Variants in CAPZA2 observed in about 807,000 individuals in gnomAD.
The protein encoded by CAPZA2 is capping actin protein of muscle Z-line subunit alpha 2, also known as F-actin-capping protein subunit alpha-2.
Under a neutral mutation model 44.0 loss-of-function variants are expected in CAPZA2, and 13 were observed. That is an observed-to-expected ratio of 0.30 (90% confidence interval 0.19 to 0.47). The LOEUF is 0.47. Among genes scored for constraint, CAPZA2 ranks in the 20% least tolerant of loss-of-function variants. The pLI is 1.00. For synonymous variants in CAPZA2, 94 were observed against 108.2 expected (o/e 0.87, Z 0.81); for missense variants, 244 against 338.6 (o/e 0.72, Z 2.19).
chr7:116,880,696 CTTTTTTTTTTTTTTTTTTT>C lies in CAPZA2; in HGVS notation c.40-7411_40-7393del, dbSNP rs557434747. On this transcript the variant is annotated intron_variant, in intron 1 of 9. Coordinates refer to ENST00000361183, the MANE Select transcript of CAPZA2 (RefSeq NM_006136.3). Reference sequence around the variant, plus strand: ...ATAGGCATGAGCCACTGTAACCTGCCTTTTTTTTTTTTTTTTTTTTTTTTTTTTTTTTTTTTTTGAGACA... The same window carrying C: ...ATAGGCATGAGCCACTGTAACCTGCCTTTTTTTTTTTTTTTTTTTGAGACA... 6.7e-3 allele frequency among the ~76,000 whole-genome samples: 165 copies of C among 24,678 alleles called. 1 individual carries two copies. Among genetic ancestry groups the C allele is most frequent in the African/African-American group, 0.019 (140 of 7,472 alleles). 16.2% of individuals were successfully genotyped at this position (24,678 alleles called of 152,430 possible).
intron 8 of CAPZA2, among the ~76,000 whole-genome samples, chr7:116,912,570 A>G (rs182370779): frequency 1.6e-4 from 25 of 152,290 alleles, no homozygotes; most frequent in African/African-American, 5.1e-4. Flanking sequence ...GACATTTGAT[A>G]TAAATGTAAT....
chr7:116,913,930 G>C (rs547385179), intron 8 of CAPZA2, among the ~76,000 whole-genome samples: 1 of 151,392 alleles, frequency 6.6e-6, no homozygotes, highest in Non-Finnish European at 1.5e-5. Context: ...ACATTTAACA[G>C]TGACATTTTC....
At chr7:116,884,512 A>T (rs992346400) in intron 1 of CAPZA2, among the ~76,000 whole-genome samples, 2 of 152,150 alleles carry the variant, frequency 1.3e-5, no homozygotes, top group African/African-American at 2.4e-5. Context: ...AATACTGTAG[A>T]GTTACTATGT....
At chr7:116,893,382 G>A (rs1405905355) in intron 3 of CAPZA2, among the ~76,000 whole-genome samples, 1 of 152,200 alleles carries the variant, frequency 6.6e-6, no homozygotes, top group Non-Finnish European at 1.5e-5. Flanking sequence ...ACCTGCCTCA[G>A]CCTCCCAGAG....
intron 9 of CAPZA2, 22 bp from the exon 10 acceptor site, chr7:116,917,705 T>C (rs780834214): frequency 3.2e-6 from 5 of 1,559,964 alleles, no homozygotes; most frequent in Middle Eastern, 3.3e-4. Context: ...TACTTTAAAC[T>C]TCTAACTATT....
intron 9 of CAPZA2, 140 bp downstream of exon 9, chr7:116,916,262 C>A: frequency 1.2e-6 from 1 of 811,572 alleles, no homozygotes; most frequent in Admixed American, 4.0e-5. Context: ...AACACAAAGG[C>A]AGACTTACTA....
Position 116,920,244 on chromosome 7 carries a change from CAAAATAATAAT to C in CAPZA2, c.*2380_*2390del, listed in dbSNP as rs1169957188. 3 of 141,900 alleles carry C rather than the reference CAAAATAATAAT, an allele frequency of 2.1e-5. No individual in the cohort carries two copies. Among genetic ancestry groups the C allele is most frequent in the African/African-American group, 5.0e-5 (2 of 39,604 alleles). The allele number at this position is 141,900 out of a possible 1,614,324, so 8.8% of individuals were successfully genotyped here. A position where few individuals can be genotyped will look rare whatever the true frequency, so the allele number is the denominator to read the frequency against. On this transcript the variant is annotated 3_prime_UTR_variant, in exon 10 of 10. Coordinates refer to ENST00000361183, the MANE Select transcript of CAPZA2 (RefSeq NM_006136.3). ...TGGGTGACACAGGGAGCCTCTGTCT[CAAAATAATAAT>C]AATAATAAAAGAATGGCATTTATTA...
chr7:116,873,478 A>G (rs1223183788), intron 1 of CAPZA2: 1 of 152,236 alleles, frequency 6.6e-6, no homozygotes, highest in Non-Finnish European at 1.5e-5. Context: ...TGAGGACTCT[A>G]TTTCCTGTTA....
At chr7:116,875,432 A>T (rs1351879619) in intron 1 of CAPZA2, 1 of 152,250 alleles carries the variant, frequency 6.6e-6, no homozygotes, top group East Asian at 1.9e-4. Flanking sequence ...AAATTGATAT[A>T]AGAGCTTCTA....
At chr7:116,880,502 A>G (rs904017430) in intron 1 of CAPZA2, among the ~76,000 whole-genome samples, 56 of 151,082 alleles carry the variant, frequency 3.7e-4, no homozygotes, top group African/African-American at 1.3e-3. Context: ...GATTCAAGCA[A>G]TTCTCCTGCC....
chr7:116,899,713 C>T (rs1298954940), intron 4 of CAPZA2, among the ~76,000 whole-genome samples: 1 of 145,592 alleles, frequency 6.9e-6, no homozygotes, highest in Admixed American at 6.9e-5. Flanking sequence ...TATTAAACAT[C>T]TTTGTACCTC....
chr7:116,911,666 A>G (rs935810553), intron 7 of CAPZA2, among the ~76,000 whole-genome samples: 1 of 152,188 alleles, frequency 6.6e-6, no homozygotes, highest in African/African-American at 2.4e-5. Flanking sequence ...TGTTTACAGC[A>G]CTCATTCAGT....
In CAPZA2 at chr7:116,919,954, C is replaced by T. The variant is rs1273560707; in HGVS notation, c.*2087C>T. 1 of 145,628 alleles carries T rather than the reference C, an allele frequency of 6.9e-6. No individual in the cohort carries two copies. The highest frequency in any genetic ancestry group is 2.1e-4 in the East Asian group (1 of 4,664). The allele number at this position is 145,628 out of a possible 1,614,324, so 9.0% of individuals were successfully genotyped here. A position where few individuals can be genotyped will look rare whatever the true frequency, so the allele number is the denominator to read the frequency against. On this transcript the variant is annotated 3_prime_UTR_variant, in exon 10 of 10. Coordinates refer to ENST00000361183, the MANE Select transcript of CAPZA2 (RefSeq NM_006136.3). ...ATAGTCTTTTATAGTATAAGAATGGCATTTATTAGGCAGGGCACAGTGGCT... is the reference window on the plus strand; with the variant it reads ...ATAGTCTTTTATAGTATAAGAATGGTATTTATTAGGCAGGGCACAGTGGCT...
At chr7:116,873,420 A>G (rs992230572) in intron 1 of CAPZA2, 1 of 152,172 alleles carries the variant, frequency 6.6e-6, no homozygotes, top group Non-Finnish European at 1.5e-5. Flanking sequence ...AGGTTTAAAA[A>G]AATTTTTTTT....
In CAPZA2 at chr7:116,904,197, C is replaced by T. The variant is rs915831392; in HGVS notation, c.240C>T (p.Gly80=). ...YEDQVLITEH[G]DLGNGKFLDP... ...CAAAGGTATTGATAACAGAACATGGCGACTTGGGAAATGGAAAGTTTTTGG... is the reference window on the plus strand; with the variant it reads ...CAAAGGTATTGATAACAGAACATGGTGACTTGGGAAATGGAAAGTTTTTGG... The change falls in exon 5 of 10, where the codon GGC becomes GGT. Residue 80 remains glycine (G), a synonymous_variant. Transcript: ENST00000361183. 11 of 1,611,890 alleles carry T rather than the reference C, an allele frequency of 6.8e-6. No homozygotes were observed. The highest frequency in any genetic ancestry group is 2.2e-5 in the East Asian group (1 of 44,868).
chr7:116,870,775 A>G (rs868797016), intron 1 of CAPZA2, among the ~76,000 whole-genome samples: 2 of 152,226 alleles, frequency 1.3e-5, no homozygotes, highest in African/African-American at 4.8e-5. Context: ...AAGATCGCCA[A>G]TAGATTTTAG....
chr7:116,862,679 C>T, intron 1 of CAPZA2, 29 bp downstream of exon 1: 1 of 1,523,138 alleles, frequency 6.6e-7, no homozygotes, highest in Non-Finnish European at 8.8e-7. Flanking sequence ...ACGGCGCGGG[C>T]TGTCAGGAGC....
chr7:116,896,853 T>A (rs1210271479), intron 3 of CAPZA2, among the ~76,000 whole-genome samples: 1 of 152,124 alleles, frequency 6.6e-6, no homozygotes, highest in Non-Finnish European at 1.5e-5. Flanking sequence ...GACACTTGAA[T>A]TTATCTGGTC....
chr7:116,890,528 ATATATATATATATAT>A (rs1562959905), intron 2 of CAPZA2, among the ~76,000 whole-genome samples: 68 of 6,668 alleles, frequency 0.01, 9 homozygotes, highest in African/African-American at 0.039. Flanking sequence ...AAAAAAAAAT[ATATATATATATATAT>A]ATATATATAT....
Sources: gnomAD v4.1 joint callset for allele counts (sites outside exome capture counted in the v4.1 genomes callset) on GRCh38, gnomAD v4.1.1 for gene constraint, MANE v1.5 for transcripts, NCBI Gene and HGNC (gene_info 2026-07-23, HGNC 2026-07-21) for gene names.